Variants in SGIP1 observed in about 807,000 individuals in gnomAD.
The protein encoded by SGIP1 is SH3GL interacting endocytic adaptor 1, also known as SH3-containing GRB2-like protein 3-interacting protein 1.
A neutral mutation model predicts 107.5 loss-of-function variants in SGIP1; 38 were observed. The observed-to-expected ratio is 0.35, with a 90% CI of 0.27 to 0.46. The LOEUF is 0.46. Ranked by LOEUF, SGIP1 falls within the 20% of genes least tolerant of loss-of-function variation. SGIP1 has a pLI of 1.00. For missense variants in SGIP1, 929 were observed against 1,019.5 expected (o/e 0.91, Z 1.21); for synonymous variants, 365 against 366.1 (o/e 1.00, Z 0.03).
intron 15 of SGIP1, 136 bp downstream of exon 15, chr1:66,682,505 G>A: frequency 9.3e-7 from 1 of 1,072,952 alleles, no homozygotes; most frequent in Non-Finnish European, 1.4e-6. Flanking sequence ...GTGTCCTGTG[G>A]CCCCACAGCA....
At position 66,671,035 on chromosome 1, in the gene SGIP1, C is replaced by G. The variant is rs781592596; in HGVS notation, c.508+16C>G. On this transcript the variant is annotated intron_variant, in intron 10 of 24. Transcript: ENST00000371037. ...AACTTATCCAGTAAGTATATCTTAGCTACCAGAAATAGTGTATGATTTAAA... is the reference window on the plus strand; with the variant it reads ...AACTTATCCAGTAAGTATATCTTAGGTACCAGAAATAGTGTATGATTTAAA... 1 of 1,314,018 alleles carries G rather than the reference C, an allele frequency of 7.6e-7. No individual in the cohort carries two copies. The highest frequency in any genetic ancestry group is 1.4e-5 in the South Asian group (1 of 69,132). 81.4% of individuals were successfully genotyped at this position (1,314,018 alleles called of 1,614,324 possible).
intron 3 of SGIP1, among the ~76,000 whole-genome samples, chr1:66,633,903 A>G (rs1281414142): frequency 1.3e-5 from 2 of 152,172 alleles, no homozygotes; most frequent in African/African-American, 4.8e-5. Context: ...TCACAATATT[A>G]TACATAAACT....
chr1:66,622,103 G>A (rs778373880), intron 1 of SGIP1, among the ~76,000 whole-genome samples: 1 of 152,132 alleles, frequency 6.6e-6, no homozygotes, highest in Non-Finnish European at 1.5e-5. Context: ...GAAACCACGT[G>A]AGTGGATGAA....
chr1:66,641,117 G>A (rs1175661729), intron 5 of SGIP1, among the ~76,000 whole-genome samples: 2 of 151,968 alleles, frequency 1.3e-5, no homozygotes, highest in Non-Finnish European at 2.9e-5. Context: ...GAAGAAGTAG[G>A]TCAAAGAGTA....
At chr1:66,711,499 T>G (rs2092916355) in intron 18 of SGIP1, among the ~76,000 whole-genome samples, 1 of 152,194 alleles carries the variant, frequency 6.6e-6, no homozygotes. Flanking sequence ...CTCATTTATC[T>G]TTTCCTAATT....
intron 1 of SGIP1, among the ~76,000 whole-genome samples, chr1:66,579,690 AT>A (rs2061556625): frequency 6.6e-6 from 1 of 152,158 alleles, no homozygotes; most frequent in South Asian, 2.1e-4. Context: ...ACTAATGGAA[AT>A]AATCTTTGTT....
Position 66,748,891 on chromosome 1 carries a change from TA to T in SGIP1, c.*5804del, listed in dbSNP as rs898515268. Among the ~76,000 whole-genome samples the T allele has an allele frequency of 2.0e-5, 3 of 151,502 alleles. No individual in the cohort carries two copies. The highest frequency in any genetic ancestry group is 7.3e-5 in the African/African-American group (3 of 41,102). On this transcript the variant is annotated 3_prime_UTR_variant, in exon 25 of 25. Coordinates refer to ENST00000371037, the MANE Select transcript of SGIP1 (RefSeq NM_032291.4). Reference sequence around the variant, plus strand: ...AGCTTAAGAAAGTTATTGAATCAGGTAAAAAAAATTTTTTCTAAGCACACCT... The same window carrying T: ...AGCTTAAGAAAGTTATTGAATCAGGTAAAAAAATTTTTTCTAAGCACACCT...
At chr1:66,648,182 G>A (rs2078002071) in intron 7 of SGIP1, among the ~76,000 whole-genome samples, 1 of 152,156 alleles carries the variant, frequency 6.6e-6, no homozygotes, top group Non-Finnish European at 1.5e-5. Context: ...ACTAGGAAGG[G>A]GCATGCCCTT....
intron 20 of SGIP1, among the ~76,000 whole-genome samples, chr1:66,732,113 A>G (rs1399146771): frequency 6.6e-6 from 1 of 152,196 alleles, no homozygotes; most frequent in Non-Finnish European, 1.5e-5. Flanking sequence ...ATTTCTTTAA[A>G]ATAGCATTAT....
intron 19 of SGIP1, among the ~76,000 whole-genome samples, chr1:66,719,963 G>C (rs983146405): frequency 6.6e-6 from 1 of 152,130 alleles, no homozygotes; most frequent in Non-Finnish European, 1.5e-5. Context: ...AATTATAACA[G>C]AGCAAAGTAA....
chr1:66,625,328 CA>C (rs1175566174), intron 1 of SGIP1, among the ~76,000 whole-genome samples: 1 of 152,094 alleles, frequency 6.6e-6, no homozygotes, highest in African/African-American at 2.4e-5. Flanking sequence ...GGGGTGTGTT[CA>C]GAGAATGGTT....
chr1:66,644,974 T>C (rs1402602056), intron 7 of SGIP1, among the ~76,000 whole-genome samples: 2 of 152,266 alleles, frequency 1.3e-5, no homozygotes, highest in Middle Eastern at 3.4e-3. Context: ...CTAGTAATGG[T>C]GGTATTTTAA....
chr1:66,552,094 C>T (rs759164108), intron 1 of SGIP1, among the ~76,000 whole-genome samples: 14 of 152,198 alleles, frequency 9.2e-5, no homozygotes, highest in Non-Finnish European at 1.5e-4. Flanking sequence ...ATGGGACCAC[C>T]GGGTCCTAGC....
At chr1:66,599,863 A>T (rs1477992429) in intron 1 of SGIP1, among the ~76,000 whole-genome samples, 3 of 152,158 alleles carry the variant, frequency 2.0e-5, no homozygotes, top group Non-Finnish European at 4.4e-5. Context: ...GGAATTGGAC[A>T]CTTGGGATCT....
chr1:66,549,133 ACCTG>A lies in SGIP1; in HGVS notation c.10+14769_10+14772del, dbSNP rs200992464. Among the ~76,000 whole-genome samples the A allele has an allele frequency of 7.3e-5, 9 of 122,930 alleles. 1 individual carries two copies. Among genetic ancestry groups the A allele is most frequent in the Admixed American group, 2.8e-4 (3 of 10,830 alleles). 80.6% of individuals were successfully genotyped at this position (122,930 alleles called of 152,430 possible). ...GCCTGAGCTTAAGCTCCTTCTGGCT[ACCTG>A]CCTTCCTTCCTTCCTTCCTTCCTTC... On this transcript the variant is annotated intron_variant, in intron 1 of 24. Transcript: ENST00000371037.
intron 15 of SGIP1, among the ~76,000 whole-genome samples, chr1:66,684,997 T>C (rs1423579603): frequency 6.6e-6 from 1 of 152,196 alleles, no homozygotes; most frequent in Admixed American, 6.5e-5. Context: ...AACTCTGCAG[T>C]ATTATCTCTT....
In SGIP1 at chr1:66,745,063, A is replaced by G. The variant is rs1021149012; in HGVS notation, c.*1968A>G. ...AAAAAATTGAATATTAATACAAAGC[A>G]TATTAAAAACATGTAAATATTACTG... On this transcript the variant is annotated 3_prime_UTR_variant, in exon 25 of 25. Transcript: ENST00000371037. 5.9e-5 allele frequency: 9 copies of G among 152,480 alleles called. No homozygotes were observed. The highest frequency in any genetic ancestry group is 2.2e-4 in the African/African-American group (9 of 41,448). The allele number at this position is 152,480 out of a possible 1,614,324, so 9.4% of individuals were successfully genotyped here.
chr1:66,565,281 T>A (rs1476272766), intron 1 of SGIP1, among the ~76,000 whole-genome samples: 4 of 152,072 alleles, frequency 2.6e-5, no homozygotes, highest in African/African-American at 9.7e-5. Flanking sequence ...TCTGAAATAA[T>A]TTATCCCTTT....
chr1:66,544,788 CA>C (rs971403365), intron 1 of SGIP1, among the ~76,000 whole-genome samples: 1 of 152,162 alleles, frequency 6.6e-6, no homozygotes, highest in Admixed American at 6.5e-5. Context: ...AATGACATGT[CA>C]AAAATTTCTC....
Sources: allele counts gnomAD v4.1 joint callset (sites outside exome capture counted in the v4.1 genomes callset), GRCh38; gene constraint gnomAD v4.1.1; transcripts MANE v1.5; gene names NCBI Gene and HGNC (gene_info 2026-07-23, HGNC 2026-07-21).